The following ATF2 variants were observed in gnomAD, a reference collection of about 807,000 sequenced individuals.
ATF2 encodes the protein activating transcription factor 2.
Under a neutral mutation model 60.6 loss-of-function variants are expected in ATF2, and 24 were observed. The ratio of observed to expected loss-of-function variants is 0.40; its 90% confidence interval spans 0.29 to 0.56. The LOEUF (loss-of-function observed/expected upper bound fraction) is 0.56. Ranked by LOEUF, ATF2 falls within the 20% of genes least tolerant of loss-of-function variation. The pLI is 0.54. For missense variants in ATF2, 433 were observed against 607.7 expected (o/e 0.71, Z 3.02); for synonymous variants, 206 against 215.4 (o/e 0.96, Z 0.38).
chr2:175,118,003 G>T lies in ATF2; in HGVS notation c.434C>A (p.Thr145Asn). 1 of 1,607,614 alleles carries T rather than the reference G, an allele frequency of 6.2e-7. No individual in the cohort carries two copies. The highest frequency in any genetic ancestry group is 8.5e-7 in the Non-Finnish European group (1 of 1,177,296). ...DSPLPHPESTTSDEKEVPLAQ... is the reference protein window; with the variant it reads ...DSPLPHPESTNSDEKEVPLAQ... ...AAAATTTCTAACCTTCTCATCACTG[G>T]TAGTAGACTCTGGGTGAGGTAAAGG... Residue 145 changes from threonine (T) to asparagine (N), a missense_variant, in exon 7 of 14, where the codon ACC becomes AAC. Thr to Asn is a moderately conservative substitution (Grantham distance 65). Around this residue, in one of 5 missense-constraint regions of ATF2, gnomAD observed 246 missense variants for 309.3 expected, o/e 0.80. Coordinates refer to ENST00000264110, the MANE Select transcript of ATF2 (RefSeq NM_001880.4).
intron 2 of ATF2, among the ~76,000 whole-genome samples, chr2:175,137,161 T>C (rs3755490): frequency 0.068 from 10,427 of 152,250 alleles, 360 homozygotes; most frequent in East Asian, 0.12. Context: ...AAGAATGTCA[T>C]GCTCAGAAAA....
chr2:175,142,720 A>AGAGTGTGTGTGT (rs1491359659), intron 2 of ATF2, among the ~76,000 whole-genome samples: 1 of 71,096 alleles, frequency 1.4e-5, no homozygotes, highest in East Asian at 4.9e-4. Flanking sequence ...AGAGAGAGAG[A>AGAGTGTGTGTGT]GTGTGTGTGT....
Position 175,074,612 on chromosome 2 carries a change from A to G in ATF2, c.1515T>C (p.Ser505=). 6.2e-7 allele frequency: 1 copy of G among 1,611,036 alleles called. No homozygotes were observed. The highest frequency in any genetic ancestry group is 8.5e-7 in the Non-Finnish European group (1 of 1,178,546). Residue 505 remains serine (S), a synonymous_variant, in exon 14 of 14, where the codon AGT becomes AGC. Coordinates refer to ENST00000264110, the MANE Select transcript of ATF2 (RefSeq NM_001880.4). ...CTGTTGTACTGCAGGTTTTTAATCAACTTCCTGAGGGCTGTGACTGGGAGG... is the reference window on the plus strand; with the variant it reads ...CTGTTGTACTGCAGGTTTTTAATCAGCTTCCTGAGGGCTGTGACTGGGAGG... ...APSSQSQPSG[S] is the part of the protein sequence containing the mutation.
chr2:175,107,984 GCCA>G (rs1695815519), intron 10 of ATF2, among the ~76,000 whole-genome samples: 2 of 151,338 alleles, frequency 1.3e-5, no homozygotes, highest in African/African-American at 4.9e-5. Flanking sequence ...CTGCCCAGCC[GCCA>G]CCCCGTCTGG....
intron 5 of ATF2, among the ~76,000 whole-genome samples, chr2:175,120,686 G>T (rs1334487607): frequency 6.6e-6 from 1 of 151,406 alleles, no homozygotes; most frequent in Non-Finnish European, 1.5e-5. Flanking sequence ...TGACACAAAG[G>T]ATCTGAAATT....
At chr2:175,133,676 A>G (rs144665277) in intron 3 of ATF2, among the ~76,000 whole-genome samples, 1 of 152,312 alleles carries the variant, frequency 6.6e-6, no homozygotes, top group East Asian at 1.9e-4. Context: ...ATTCTATCTC[A>G]CATTATACTA....
intron 10 of ATF2, among the ~76,000 whole-genome samples, chr2:175,102,071 G>T (rs1369041303): frequency 6.6e-6 from 1 of 151,474 alleles, no homozygotes; most frequent in Non-Finnish European, 1.5e-5. Flanking sequence ...CAAATACTTT[G>T]GTTTAAAAAA....
intron 10 of ATF2, among the ~76,000 whole-genome samples, chr2:175,108,890 T>G (rs1695960872): frequency 6.6e-6 from 1 of 152,162 alleles, no homozygotes; most frequent in Non-Finnish European, 1.5e-5. Context: ...ATGTGCTCTC[T>G]GAAACTTGTG....
chr2:175,087,242 A>G (rs1256559272), intron 12 of ATF2, among the ~76,000 whole-genome samples: 1 of 152,136 alleles, frequency 6.6e-6, no homozygotes, highest in African/African-American at 2.4e-5. Context: ...AAAATAAGGG[A>G]TATAAAAGCA....
intron 12 of ATF2, 22 bp from the exon 13 acceptor site, chr2:175,080,787 T>G: frequency 6.3e-7 from 1 of 1,574,994 alleles, no homozygotes; most frequent in Non-Finnish European, 8.7e-7. Flanking sequence ...ACAACTTATG[T>G]ACCTTACCAC....
chr2:175,114,776 G>A lies in ATF2; in HGVS notation c.540C>T (p.Asp180=), dbSNP rs371267077. The change falls in exon 8 of 14, where the codon GAC becomes GAT. Residue 180 remains aspartate (D), a synonymous_variant. Transcript: ENST00000264110. The part of the protein sequence containing the change: ...QVPNVLLTSS[D]SSVIIQQAVP... ...CTGCCTGCTGAATAATTACACTTGA[G>A]TCAGAACTTGTAAGCAGCACATTGG... is the stretch of plus-strand genomic sequence containing the variant. The A allele has an allele frequency of 3.6e-5, 58 of 1,613,916 alleles. No individual in the cohort carries two copies. Among genetic ancestry groups the A allele is most frequent in the Non-Finnish European group, 4.5e-5 (53 of 1,179,936 alleles).
chr2:175,132,328 G>C (rs1697791531), intron 3 of ATF2, among the ~76,000 whole-genome samples: 1 of 152,062 alleles, frequency 6.6e-6, no homozygotes, highest in Admixed American at 6.5e-5. Context: ...ATTTTTTTCG[G>C]ATACTCTTTA....
rs868852424 is a variant in ATF2 at position 175,134,941 on chromosome 2, C to A, written c.32+1471G>T. On this transcript the variant is annotated intron_variant, in intron 3 of 13. Transcript: ENST00000264110. Reference sequence around the variant, plus strand: ...ATCTCTTGAGCCCAGGAGGTCCAGGCTGCAGTAACCTGTGATTGTGCCACT... The same window carrying A: ...ATCTCTTGAGCCCAGGAGGTCCAGGATGCAGTAACCTGTGATTGTGCCACT... Among the ~76,000 whole-genome samples, 8 of 146,330 alleles carry A rather than the reference C, an allele frequency of 5.5e-5. No individual in the cohort carries two copies. The South Asian group carries it at 8.7e-4, about 16-fold the overall frequency.
At chr2:175,121,023 T>C (rs1484663426) in intron 5 of ATF2, among the ~76,000 whole-genome samples, 5 of 151,808 alleles carry the variant, frequency 3.3e-5, no homozygotes, top group African/African-American at 1.2e-4. Flanking sequence ...TATAAACAAC[T>C]CTAATGAACA....
At chr2:175,104,976 C>A (rs1695553949) in intron 10 of ATF2, among the ~76,000 whole-genome samples, 1 of 152,020 alleles carries the variant, frequency 6.6e-6, no homozygotes, top group Non-Finnish European at 1.5e-5. Context: ...CTGAGATAAT[C>A]TTAAGTAAGC....
chr2:175,155,060 A>C (rs1699587659), intron 1 of ATF2, among the ~76,000 whole-genome samples: 1 of 152,170 alleles, frequency 6.6e-6, no homozygotes, highest in African/African-American at 2.4e-5. Context: ...GATACAGACA[A>C]AGTGGGGTAT....
At chr2:175,100,592 G>T (rs958267117) in intron 10 of ATF2, among the ~76,000 whole-genome samples, 3 of 152,192 alleles carry the variant, frequency 2.0e-5, no homozygotes, top group Admixed American at 1.3e-4. Context: ...CCGTAATAAA[G>T]AAATCAATGT....
At chr2:175,108,800 T>A (rs1338617784) in intron 10 of ATF2, among the ~76,000 whole-genome samples, 1 of 151,708 alleles carries the variant, frequency 6.6e-6, no homozygotes, top group Non-Finnish European at 1.5e-5. Flanking sequence ...AAAGTAGACA[T>A]GGGAGACTTC....
At chr2:175,103,640 C>T (rs1269347507) in intron 10 of ATF2, among the ~76,000 whole-genome samples, 1 of 148,990 alleles carries the variant, frequency 6.7e-6, no homozygotes, top group East Asian at 2.0e-4. Context: ...TGGCTACCCA[C>T]TGTGTGCAAA....
Sources: allele counts gnomAD v4.1 joint callset (sites outside exome capture counted in the v4.1 genomes callset), GRCh38; gene constraint gnomAD v4.1.1; regional missense constraint gnomAD v4.1.1; transcripts MANE v1.5; gene names NCBI Gene and HGNC (gene_info 2026-07-23, HGNC 2026-07-21).